The following TMCC1 variants were observed in gnomAD, a reference collection of about 807,000 sequenced individuals.
TMCC1 encodes the protein transmembrane and coiled-coil domain family 1.
TMCC1 carries 15 observed loss-of-function variants against 52.4 expected under a neutral mutation model. That is an observed-to-expected ratio of 0.29 (90% CI 0.19 to 0.44). The LOEUF (loss-of-function observed/expected upper bound fraction) is 0.44. TMCC1 is among the 20% of genes least tolerant of loss of function. The pLI, the probability that TMCC1 is intolerant of heterozygous loss-of-function variation, is 1.00. For missense variants in TMCC1, 503 were observed against 806.0 expected (o/e 0.62, Z 4.55); for synonymous variants, 279 against 301.9 (o/e 0.92, Z 0.79).
intron 4 of TMCC1, among the ~76,000 whole-genome samples, chr3:129,825,205 A>C (rs147450982): frequency 1.0e-3 from 156 of 152,340 alleles, no homozygotes; most frequent in African/African-American, 3.3e-3. Context: ...GTACACCTGC[A>C]TTACTAGTTT....
intron 4 of TMCC1, among the ~76,000 whole-genome samples, chr3:129,774,513 T>C (rs2054868271): frequency 6.6e-6 from 1 of 152,170 alleles, no homozygotes; most frequent in South Asian, 2.1e-4. Flanking sequence ...GCTTTCAGTC[T>C]AGTGGAAAAC....
chr3:129,865,513 T>C (rs185144766), intron 2 of TMCC1, among the ~76,000 whole-genome samples: 352 of 152,212 alleles, frequency 2.3e-3, no homozygotes, highest in Non-Finnish European at 4.0e-3. Context: ...TGGATGGCTA[T>C]CAAAATAGCC....
At chr3:129,762,901 T>C (rs986155896) in intron 4 of TMCC1, among the ~76,000 whole-genome samples, 1 of 151,892 alleles carries the variant, frequency 6.6e-6, no homozygotes, top group South Asian at 2.1e-4. Flanking sequence ...AACATGTTTA[T>C]AAAAATACCA....
chr3:129,709,729 G>C (rs1425801565), intron 4 of TMCC1, among the ~76,000 whole-genome samples: 1 of 151,812 alleles, frequency 6.6e-6, no homozygotes, highest in Non-Finnish European at 1.5e-5. Flanking sequence ...GTATTTTTGG[G>C]CTTCAGGCTC....
chr3:129,662,832 T>C (rs905542176), intron 5 of TMCC1, among the ~76,000 whole-genome samples: 2 of 152,150 alleles, frequency 1.3e-5, no homozygotes, highest in African/African-American at 4.8e-5. Context: ...TCAAGGTCCT[T>C]CCTAAATTGT....
At chr3:129,728,642 T>C (rs1345042137) in intron 4 of TMCC1, among the ~76,000 whole-genome samples, 1 of 152,194 alleles carries the variant, frequency 6.6e-6, no homozygotes, top group Non-Finnish European at 1.5e-5. Context: ...TACGTATGTG[T>C]ACAGTTCTAT....
chr3:129,764,261 G>C lies in TMCC1; in HGVS notation c.576+63542C>G, dbSNP rs180820690. On this transcript the variant is annotated intron_variant, in intron 4 of 6. Transcript: ENST00000393238. ...AGCCTCTACTAATGATCAGTGGATA[G>C]CAAGAAGACTTAATGATTTACTAGG... Among the ~76,000 whole-genome samples, 3 of 152,298 alleles carry C rather than the reference G, an allele frequency of 2.0e-5. No homozygotes were observed. The East Asian group carries it at 5.8e-4, about 29-fold the overall frequency.
chr3:129,712,621 A>C (rs1352718926), intron 4 of TMCC1, among the ~76,000 whole-genome samples: 2 of 151,836 alleles, frequency 1.3e-5, no homozygotes, highest in Non-Finnish European at 2.9e-5. Flanking sequence ...CTAATTAAAA[A>C]AATTTTTTTT....
intron 1 of TMCC1, among the ~76,000 whole-genome samples, chr3:129,881,404 G>A (rs2061453950): frequency 6.6e-6 from 1 of 152,118 alleles, no homozygotes; most frequent in Non-Finnish European, 1.5e-5. Context: ...TCTGCAGTCT[G>A]CCAAACAGAG....
intron 2 of TMCC1, among the ~76,000 whole-genome samples, chr3:129,853,134 T>C (rs2059989957): frequency 6.6e-6 from 1 of 152,190 alleles, no homozygotes; most frequent in African/African-American, 2.4e-5. Context: ...TGAGCTATGA[T>C]TGTGCCACTG....
rs73206244 is a variant in TMCC1 at position 129,685,355 on chromosome 3, C to A, written c.577-14091G>T. Among the ~76,000 whole-genome samples the A allele has an allele frequency of 2.0e-5, 3 of 149,820 alleles. No homozygotes were observed. The East Asian group carries it at 5.9e-4, about 29-fold the overall frequency. ...GATCATGCCACGGCACTCCAGCCTG[C>A]GCAACAGAGTGAGACCCTGTCTCTA... On this transcript the variant is annotated intron_variant, in intron 4 of 6. Coordinates refer to ENST00000393238, the MANE Select transcript of TMCC1 (RefSeq NM_001017395.5).
chr3:129,724,191 C>T (rs1179110942), intron 4 of TMCC1, among the ~76,000 whole-genome samples: 1 of 152,116 alleles, frequency 6.6e-6, no homozygotes, highest in Admixed American at 6.6e-5. Flanking sequence ...AATGCCTGTT[C>T]TAGAAAGTAA....
At chr3:129,808,482 AAATAAT>A (rs556320460) in intron 4 of TMCC1, among the ~76,000 whole-genome samples, 6 of 150,942 alleles carry the variant, frequency 4.0e-5, no homozygotes, top group East Asian at 1.9e-4. Flanking sequence ...ACTCCATCTC[AAATAAT>A]AATAATAATA....
intron 2 of TMCC1, among the ~76,000 whole-genome samples, chr3:129,877,496 G>A (rs1179209514): frequency 6.6e-6 from 1 of 152,078 alleles, no homozygotes; most frequent in Non-Finnish European, 1.5e-5. Context: ...CTTAATTGGA[G>A]ATCTCATCCA....
In TMCC1 at chr3:129,826,369, T is replaced by C. The variant is rs922531630; in HGVS notation, c.576+1434A>G. Among the ~76,000 whole-genome samples the C allele has an allele frequency of 7.3e-5, 11 of 149,804 alleles. No homozygotes were observed. The East Asian group carries it at 2.0e-3, about 27-fold the overall frequency. On this transcript the variant is annotated intron_variant, in intron 4 of 6. Transcript: ENST00000393238. ...AAAAAAAAAAAAAATTGGCCAGACATGCTGGCATGCGCCTGTAGTACCAGC... is the reference window on the plus strand; with the variant it reads ...AAAAAAAAAAAAAATTGGCCAGACACGCTGGCATGCGCCTGTAGTACCAGC...
intron 2 of TMCC1, among the ~76,000 whole-genome samples, chr3:129,849,260 C>T (rs990633095): frequency 6.6e-6 from 1 of 151,992 alleles, no homozygotes; most frequent in African/African-American, 2.4e-5. Context: ...GTCAGGAGTT[C>T]GAGACCAGCC....
chr3:129,813,585 G>A (rs1412658828), intron 4 of TMCC1, among the ~76,000 whole-genome samples: 2 of 152,046 alleles, frequency 1.3e-5, no homozygotes, highest in Non-Finnish European at 2.9e-5. Flanking sequence ...TTAACAAGAG[G>A]GAGTTAAACA....
Position 129,648,650 on chromosome 3 carries a change from G to A in TMCC1, c.*2831C>T, listed in dbSNP as rs1286699920. On this transcript the variant is annotated 3_prime_UTR_variant, in exon 7 of 7. Transcript: ENST00000393238. ...CTAGAGGCATGGACAAATAAACCAG[G>A]AATGTTTCATTTTAAAGGGAATGAA... 6.6e-6 allele frequency: 1 copy of A among 151,690 alleles called. No homozygotes were observed. Among genetic ancestry groups the A allele is most frequent in the Non-Finnish European group, 1.5e-5 (1 of 67,976 alleles). The allele number at this position is 151,690 out of a possible 1,614,324, so 9.4% of individuals were successfully genotyped here.
chr3:129,821,405 C>CAAAG, intron 4 of TMCC1, among the ~76,000 whole-genome samples: 1 of 152,090 alleles, frequency 6.6e-6, no homozygotes, highest in East Asian at 1.9e-4. Flanking sequence ...TGGAAAGGAT[C>CAAAG]TTACATACAT....
Sources: allele counts gnomAD v4.1 joint callset (sites outside exome capture counted in the v4.1 genomes callset), GRCh38; gene constraint gnomAD v4.1.1; transcripts MANE v1.5; gene names NCBI Gene and HGNC (gene_info 2026-07-23, HGNC 2026-07-21).